Variants in PCDH1 observed in about 807,000 individuals in gnomAD.
PCDH1 encodes the protein protocadherin 1, also known as protocadherin-1.
Under a neutral mutation model 74.6 loss-of-function variants are expected in PCDH1, and 23 were observed. That is an observed-to-expected ratio of 0.31 (90% CI 0.22 to 0.44). The LOEUF (loss-of-function observed/expected upper bound fraction) is 0.44, where lower values mean the gene tolerates loss of function less well. Among genes scored for constraint, PCDH1 ranks in the 20% least tolerant of loss-of-function variants. The pLI, the probability that PCDH1 is intolerant of heterozygous loss-of-function variation, is 1.00. For synonymous variants in PCDH1, 647 were observed against 686.1 expected, an observed-to-expected ratio of 0.94 and a Z score of 0.89; for missense variants, 1,214 against 1,641.4, an observed-to-expected ratio of 0.74 and a Z score of 4.50.
chr5:141,864,550 C>T lies in PCDH1; in HGVS notation c.1781G>A (p.Gly594Asp). ...CACATTGACAAGGACAGTGGCTGTGCCCTGGAGGCTAGGACTGCCCCGGTC... is the reference window on the plus strand; with the variant it reads ...CACATTGACAAGGACAGTGGCTGTGTCCTGGAGGCTAGGACTGCCCCGGTC... ...AADRGSPSLQ[G>D]TATVLVNVLD... is the part of the protein sequence containing the mutation. Residue 594 changes from glycine to aspartate, a missense_variant, in exon 3 of 5, where the codon GGC (glycine) becomes GAC (aspartate). Transcript: ENST00000287008. This position sits in a 1 kb window ranked among gnomAD's most constrained non-coding sequence, Gnocchi z 5.9. The T allele has an allele frequency of 6.2e-7, 1 of 1,614,002 alleles. No individual in the cohort carries two copies.
In PCDH1 at chr5:141,864,243, T is replaced by C. The variant is rs1596553053; in HGVS notation, c.2088A>G (p.Ser696=). Residue 696 remains serine, a synonymous_variant, in exon 3 of 5, where the codon TCA becomes TCG. Coordinates refer to ENST00000287008, the MANE Select transcript of PCDH1 (RefSeq NM_032420.5). The surrounding 1 kb of genome is among the most constrained non-coding windows in gnomAD (Gnocchi z 5.9). ...CATTGATGGTGACACCAACGTAAGC[T>C]GAGCGAGGTGGGACGCCACCATCCA... is the stretch of plus-strand genomic sequence containing the variant. ...KAVDGGVPPR[S]AYVGVTINVL... is the part of the protein sequence containing the mutation. The C allele has an allele frequency of 6.2e-7, 1 of 1,610,656 alleles. No homozygotes were observed. The highest frequency in any genetic ancestry group is 8.5e-7 in the Non-Finnish European group (1 of 1,177,218).
rs533936027 is a variant in PCDH1, at chr5:141,866,319, G to A, written c.904-892C>T. 961 of 778,740 alleles carry A rather than the reference G, an allele frequency of 1.2e-3. 1 individual carries two copies. The highest frequency in any genetic ancestry group is 5.8e-3 in the Middle Eastern group (9 of 1,540). 48.2% of individuals were successfully genotyped at this position (778,740 alleles called of 1,614,324 possible). ...CCACAGAGCCTGCTGGCAGTGGGCT[G>A]GGCTCCCAGCATCAAACAATGAACT... On this transcript the variant is annotated intron_variant, in intron 2 of 4. Transcript: ENST00000287008.
At chr5:141,872,547 TG>T (rs1309802960) in intron 1 of PCDH1, among the ~76,000 whole-genome samples, 2 of 152,226 alleles carry the variant, frequency 1.3e-5, no homozygotes, top group African/African-American at 4.8e-5. Flanking sequence ...GGCCATGATC[TG>T]GCAGTCAGGG....
chr5:141,866,225 C>T (rs768376105), intron 2 of PCDH1: 105 of 985,472 alleles, frequency 1.1e-4, no homozygotes, highest in African/African-American at 2.1e-4. Flanking sequence ...CGACTGGCAC[C>T]GGCTGGCGAG....
chr5:141,868,473 T>A lies in PCDH1; in HGVS notation c.903+96A>T. The A allele has an allele frequency of 6.7e-7, 1 of 1,496,102 alleles. No individual in the cohort carries two copies. Among genetic ancestry groups the A allele is most frequent in the Non-Finnish European group, 8.9e-7 (1 of 1,125,914 alleles). 92.7% of individuals were successfully genotyped at this position (1,496,102 alleles called of 1,614,324 possible). ...GGGTCTCACTACAGTATTCTGGCAG[T>A]TTTTCCCCTAAGTGAAGGGAACTCT... On this transcript the variant is annotated intron_variant, in intron 2 of 4. Coordinates refer to ENST00000287008, the MANE Select transcript of PCDH1 (RefSeq NM_032420.5). This position sits in a 1 kb window ranked among gnomAD's most constrained non-coding sequence, Gnocchi z 4.8.
intron 3 of PCDH1, among the ~76,000 whole-genome samples, chr5:141,860,428 G>A (rs1213892559): frequency 1.3e-5 from 2 of 151,540 alleles, no homozygotes; most frequent in Admixed American, 6.6e-5. Flanking sequence ...GAGCCCAGGT[G>A]GCAGAGGTTG....
chr5:141,859,622 G>T (rs1752490550), intron 3 of PCDH1, among the ~76,000 whole-genome samples: 1 of 152,112 alleles, frequency 6.6e-6, no homozygotes, highest in Admixed American at 6.5e-5. Context: ...GTCTACCTGA[G>T]AATCCTGGTA....
chr5:141,860,896 G>A (rs901460386), intron 3 of PCDH1, among the ~76,000 whole-genome samples: 9 of 152,044 alleles, frequency 5.9e-5, no homozygotes, highest in Non-Finnish European at 1.2e-4. Flanking sequence ...CGGGCAGATC[G>A]CCTGAGGTCA....
rs924745351 is a variant in PCDH1 at position 141,853,207 on chromosome 5, AC to A, written c.*834del. On this transcript the variant is annotated 3_prime_UTR_variant, in exon 5 of 5. Transcript: ENST00000287008. The stretch of plus-strand genomic sequence containing the variant: ...CCCACCCGTTGTTTCCCTGGCCTGC[AC>A]CCCCATCCCACCATGGCCCCAGGGG... 1 of 44,534 alleles carries A rather than the reference AC, an allele frequency of 2.2e-5. No individual in the cohort carries two copies. Among genetic ancestry groups the A allele is most frequent in the Admixed American group, 3.0e-4 (1 of 3,314 alleles). 2.8% of individuals were successfully genotyped at this position (44,534 alleles called of 1,614,324 possible).
intron 2 of PCDH1, among the ~76,000 whole-genome samples, chr5:141,866,604 C>G (rs2126822246): frequency 6.6e-6 from 1 of 152,244 alleles, no homozygotes; most frequent in South Asian, 2.1e-4. Context: ...GTCCTGGGTT[C>G]AAATCCCAGT....
chr5:141,865,607 GC>G lies in PCDH1; in HGVS notation c.904-181del, dbSNP rs1474457421. Among the ~76,000 whole-genome samples the G allele has an allele frequency of 2.6e-5, 4 of 152,178 alleles. No homozygotes were observed. The highest frequency in any genetic ancestry group is 5.9e-5 in the Non-Finnish European group (4 of 68,038). ...GCCTTTTCCCAATTCGGACATTCTGGCAGGCATTACTAACCTATTTTCCTGA... is the reference window on the plus strand; with the variant it reads ...GCCTTTTCCCAATTCGGACATTCTGGAGGCATTACTAACCTATTTTCCTGA... On this transcript the variant is annotated intron_variant, in intron 2 of 4. Transcript: ENST00000287008. This position sits in a 1 kb window ranked among gnomAD's most constrained non-coding sequence, Gnocchi z 4.4.
In PCDH1 at chr5:141,857,460, G is replaced by A. The variant is rs144137166; in HGVS notation, c.3111C>T (p.Arg1037=). 1.2e-6 allele frequency: 2 copies of A among 1,613,522 alleles called. No homozygotes were observed. The highest frequency in any genetic ancestry group is 1.7e-6 in the Non-Finnish European group (2 of 1,179,804). Residue 1037 remains arginine (R), a synonymous_variant, in exon 4 of 5, where the codon CGC becomes CGT. Coordinates refer to ENST00000287008, the MANE Select transcript of PCDH1 (RefSeq NM_032420.5). ...PKYPSKQLPH[R]RVTFSATSQA... Reference sequence around the variant, plus strand: ...GGCTGGTGGCCGAGAAGGTGACGCGGCGGTGAGGTAACTGCAGGGAGACAG... The same window carrying A: ...GGCTGGTGGCCGAGAAGGTGACGCGACGGTGAGGTAACTGCAGGGAGACAG...
rs1752760689 is a variant in PCDH1, at chr5:141,865,075, A to G, written c.1256T>C (p.Val419Ala). 1 of 1,614,004 alleles carries G rather than the reference A, an allele frequency of 6.2e-7. No homozygotes were observed. Among genetic ancestry groups the G allele is most frequent in the Non-Finnish European group, 8.5e-7 (1 of 1,180,038 alleles). Reference protein sequence around the residue: ...AEETAVALVQVSDRDEGENAA... With the variant: ...AEETAVALVQASDRDEGENAA... The stretch of plus-strand genomic sequence containing the variant: ...ATTCTCTCCCTCATCTCGGTCAGAC[A>G]CCTGCACCAGGGCCACAGCTGTCTC... The change falls in exon 3 of 5, where the codon GTG becomes GCG. Residue 419 changes from valine (V) to alanine (A), a missense_variant. By Grantham distance (64) the Val-to-Ala change is moderately conservative (BLOSUM62 0). Coordinates refer to ENST00000287008, the MANE Select transcript of PCDH1 (RefSeq NM_032420.5). This position sits in a 1 kb window ranked among gnomAD's most constrained non-coding sequence, Gnocchi z 4.4.
Position 141,869,602 on chromosome 5 carries a change from C to T in PCDH1, c.41-171G>A. The T allele has an allele frequency of 2.0e-6, 3 of 1,534,948 alleles. No individual in the cohort carries two copies. The highest frequency in any genetic ancestry group is 2.6e-6 in the Non-Finnish European group (3 of 1,146,780). On this transcript the variant is annotated intron_variant, in intron 1 of 4. Transcript: ENST00000287008. The surrounding 1 kb of genome is among the most constrained non-coding windows in gnomAD (Gnocchi z 4.9). ...TCCAGAAACTCAGATCCCTGAATCT[C>T]ATCCACAGCTGGGTGTAGCAGCAGT...
In PCDH1 at chr5:141,869,326, A is replaced by G. The variant is rs1234146638; in HGVS notation, c.146T>C (p.Leu49Pro). 6.3e-7 allele frequency: 1 copy of G among 1,599,198 alleles called. No individual in the cohort carries two copies. The highest frequency in any genetic ancestry group is 1.8e-5 in the Admixed American group (1 of 57,032). The change falls in exon 2 of 5, where the codon CTG (leucine) becomes CCG (proline). Residue 49 changes from leucine (L) to proline (P), a missense_variant. By Grantham distance (98) the Leu-to-Pro change is moderately conservative. Around this residue, in one of 4 missense-constraint regions of PCDH1, gnomAD observed 87 missense variants for 87.7 expected, o/e 0.99. Coordinates refer to ENST00000287008, the MANE Select transcript of PCDH1 (RefSeq NM_032420.5). This position sits in a 1 kb window ranked among gnomAD's most constrained non-coding sequence, Gnocchi z 4.9. ...GGCGTGGCCTGGGGATGGAGCCAGC[A>G]GGAGCAGCAGTGCTAGCAGCATGGA... ...LPSMLLALLL[L>P]LAPSPGHATR...
intron 3 of PCDH1, among the ~76,000 whole-genome samples, chr5:141,858,005 C>T (rs1344894508): frequency 6.6e-6 from 1 of 152,220 alleles, no homozygotes; most frequent in Non-Finnish European, 1.5e-5. Context: ...TCACCAATAC[C>T]ACAACAGTTA....
At chr5:141,876,144 G>A (rs1330283172) in intron 1 of PCDH1, among the ~76,000 whole-genome samples, 1 of 152,130 alleles carries the variant, frequency 6.6e-6, no homozygotes, top group Non-Finnish European at 1.5e-5. Flanking sequence ...AGATTAGGGG[G>A]TGGCGGGGGG....
rs1365462717 is a variant in PCDH1 at position 141,854,037 on chromosome 5, G to A, written c.*5C>T. On this transcript the variant is annotated 3_prime_UTR_variant, in exon 5 of 5. Coordinates refer to ENST00000287008, the MANE Select transcript of PCDH1 (RefSeq NM_032420.5). ...GGGAGGGGGGCCGGCCGGCCAGTAGGGGGCTCACAGGTAGATCTCGCGCTT... is the reference window on the plus strand; with the variant it reads ...GGGAGGGGGGCCGGCCGGCCAGTAGAGGGCTCACAGGTAGATCTCGCGCTT... 2.0e-6 allele frequency: 3 copies of A among 1,495,420 alleles called. No homozygotes were observed. The highest frequency in any genetic ancestry group is 2.3e-5 in the East Asian group (1 of 43,116). 92.6% of individuals were successfully genotyped at this position (1,495,420 alleles called of 1,614,324 possible).
chr5:141,877,040 C>G (rs1022332163), intron 1 of PCDH1, among the ~76,000 whole-genome samples: 6 of 152,190 alleles, frequency 3.9e-5, no homozygotes, highest in Non-Finnish European at 8.8e-5. Context: ...CCAGCCTTCC[C>G]GCTGTGCCGA....
Sources: gnomAD v4.1 joint callset for allele counts (sites outside exome capture counted in the v4.1 genomes callset) on GRCh38, gnomAD v4.1.1 for gene constraint, gnomAD v4.1.1 regional missense constraint, Gnocchi (gnomAD v3.1) non-coding constraint, MANE v1.5 for transcripts, NCBI Gene and HGNC (gene_info 2026-07-23, HGNC 2026-07-21) for gene names.